Variants in INF2 observed in about 807,000 individuals in gnomAD.
INF2 encodes the protein inverted formin 2, also known as inverted formin-2.
A neutral mutation model predicts 123.5 loss-of-function variants in INF2; 43 were observed. The observed-to-expected ratio is 0.35, with a 90% CI of 0.27 to 0.45. INF2 has a LOEUF of 0.45. Ranked by LOEUF, INF2 falls within the 20% of genes least tolerant of loss-of-function variation. The probability of loss-of-function intolerance (pLI) is 1.00; values close to 1 mark genes in which losing one functional copy is unlikely to be tolerated. For synonymous variants in INF2, 851 were observed against 745.0 expected (o/e 1.14, Z -2.32); for missense variants, 1,453 against 1,682.7 (o/e 0.86, Z 2.39).
chr14:104,689,419 G>A (rs1888816495), upstream of INF2, among the ~76,000 whole-genome samples: 1 of 152,120 alleles, frequency 6.6e-6, no homozygotes, highest in Non-Finnish European at 1.5e-5. Context: ...GGACCGCGAG[G>A]GGGCGGCCAG....
In INF2 at chr14:104,719,474, C is replaced by G. The variant is rs961180769; in HGVS notation, c.*681C>G. The G allele has an allele frequency of 1.3e-5, 2 of 152,180 alleles. No homozygotes were observed. Among genetic ancestry groups the G allele is most frequent in the Non-Finnish European group, 2.9e-5 (2 of 68,032 alleles). 9.4% of individuals were successfully genotyped at this position (152,180 alleles called of 1,614,324 possible). A position where few individuals can be genotyped will look rare whatever the true frequency, so the allele number is the denominator to read the frequency against. On this transcript the variant is annotated 3_prime_UTR_variant, in exon 23 of 23. Coordinates refer to ENST00000392634, the MANE Select transcript of INF2 (RefSeq NM_022489.4). ...CAATACAGGTCCACCTGAGGGGCTG[C>G]AGGGTGACACCCAGCAGCCGCTGCC...
rs1301032347 is a variant in INF2, at chr14:104,709,713, T to TG, written c.2138+10dup. The stretch of plus-strand genomic sequence containing the variant: ...CCTGCTGGCCATTCCCTGGTGAGCA[T>TG]GGCCGCCCTCAGACCCCAGGGCCTG... On this transcript the variant is annotated intron_variant, in intron 12 of 22. Coordinates refer to ENST00000392634, the MANE Select transcript of INF2 (RefSeq NM_022489.4). 2 of 1,611,478 alleles carry TG rather than the reference T, an allele frequency of 1.2e-6. No homozygotes were observed. Among genetic ancestry groups the TG allele is most frequent in the African/African-American group, 2.7e-5 (2 of 74,914 alleles).
intron 1 of INF2, among the ~76,000 whole-genome samples, chr14:104,682,241 A>C (rs1888541898): frequency 6.6e-6 from 1 of 151,910 alleles, no homozygotes; most frequent in Non-Finnish European, 1.5e-5. Flanking sequence ...CAGTGTGGGG[A>C]GGGACAGGGA....
At chr14:104,704,435 G>A (rs968785044) in intron 5 of INF2, 23 of 217,116 alleles carry the variant, frequency 1.1e-4, no homozygotes, top group Admixed American at 2.6e-4. Context: ...GCTGCGGACC[G>A]GTACCTGGCC....
intron 1 of INF2, among the ~76,000 whole-genome samples, chr14:104,682,523 C>G (rs116364073): frequency 1.3e-5 from 2 of 152,126 alleles, no homozygotes; most frequent in Non-Finnish European, 2.9e-5. Context: ...AGCCATCCGG[C>G]CTTTGGGATG....
Position 104,708,070 on chromosome 14 carries a change from G to T in INF2, c.1735+68G>T, listed in dbSNP as rs550838866. ...GGGGCTGGTCTCTGCTGGGGAGAGG[G>T]GCAGGTGGCACATGGAACTTGTGTG... On this transcript the variant is annotated intron_variant, in intron 8 of 22. Coordinates refer to ENST00000392634, the MANE Select transcript of INF2 (RefSeq NM_022489.4). The T allele has an allele frequency of 2.9e-5, 46 of 1,594,384 alleles. 1 individual carries two copies. In the South Asian group the frequency reaches 4.0e-4, roughly 14 times the overall value.
At chr14:104,716,909 C>G (rs1454050862) in intron 22 of INF2, among the ~76,000 whole-genome samples, 3 of 152,208 alleles carry the variant, frequency 2.0e-5, no homozygotes, top group African/African-American at 7.2e-5. Flanking sequence ...TCAGGCTGGT[C>G]TCGAACTCCT....
At position 104,699,998 on chromosome 14, in the gene INF2, C is replaced by T. The variant is rs905028435; in HGVS notation, c.-9-1359C>T. ...GACTGCCGGAAACACCAGGCTTGGT[C>T]GTGGACCAGGCTGGGGAGTGGGCCT... On this transcript the variant is annotated intron_variant, in intron 1 of 22. Transcript: ENST00000392634. This position sits in a 1 kb window ranked among gnomAD's most constrained non-coding sequence, Gnocchi z 4.7. Among the ~76,000 whole-genome samples, 3 of 152,068 alleles carry T rather than the reference C, an allele frequency of 2.0e-5. No individual in the cohort carries two copies. Among genetic ancestry groups the T allele is most frequent in the Admixed American group, 2.0e-4 (3 of 15,280 alleles).
At chr14:104,704,246 C>T (rs373697359) in intron 5 of INF2, 2 of 1,249,756 alleles carry the variant, frequency 1.6e-6, no homozygotes, top group Middle Eastern at 2.8e-4. Context: ...CCTAAGTGAA[C>T]CAACCCAGAA....
chr14:104,698,834 C>T (rs1335662783), intron 1 of INF2, among the ~76,000 whole-genome samples: 1 of 152,330 alleles, frequency 6.6e-6, no homozygotes, highest in African/African-American at 2.4e-5. Flanking sequence ...CTGTCTATGC[C>T]GGGCCGCAGC....
rs1443005224 is a variant in INF2 at position 104,707,636 on chromosome 14, GCACCCCCGCCCC to G, written c.1376_1387del (p.Pro459_Pro462del). The G allele has an allele frequency of 9.7e-6, 8 of 824,568 alleles. No homozygotes were observed. The African/African-American group carries it at 1.2e-4, about 13-fold the overall frequency. The allele number at this position is 824,568 out of a possible 1,614,324, so 51.1% of individuals were successfully genotyped here. On this transcript the variant is annotated inframe_deletion, in exon 8 of 23. Coordinates refer to ENST00000392634, the MANE Select transcript of INF2 (RefSeq NM_022489.4). ...TGTGGGGGCTAAGGCCCTCCCAACAGCACCCCCGCCCCCACCCCTGCCAGGCCTGGGGGCCAT... is the reference window on the plus strand; with the variant it reads ...TGTGGGGGCTAAGGCCCTCCCAACAGCACCCCTGCCAGGCCTGGGGGCCAT...
At position 104,721,060 on chromosome 14, in the gene INF2, CGT is replaced by C. The variant is rs1890537467; in HGVS notation, c.*2268_*2269del. 1.8e-4 allele frequency: 2 copies of C among 11,030 alleles called. No individual in the cohort carries two copies. Among genetic ancestry groups the C allele is most frequent in the Admixed American group, 1.3e-3 (1 of 778 alleles). 0.7% of individuals were successfully genotyped at this position (11,030 alleles called of 1,614,324 possible). A position where few individuals can be genotyped will look rare whatever the true frequency, so the allele number is the denominator to read the frequency against. The stretch of plus-strand genomic sequence containing the variant: ...GTGTGGATGCTGCTGTGGACGTCTG[CGT>C]AGTCTCGTGTGGATGCTGCTGTGGA... On this transcript the variant is annotated 3_prime_UTR_variant, in exon 23 of 23. Transcript: ENST00000392634.
In INF2 at chr14:104,717,314, G is replaced by A. The variant is rs576544965; in HGVS notation, c.*2-1481G>A. Among the ~76,000 whole-genome samples, 49 of 133,708 alleles carry A rather than the reference G, an allele frequency of 3.7e-4. 1 individual carries two copies. The East Asian group carries it at 0.011, about 30-fold the overall frequency. The allele number at this position is 133,708 out of a possible 152,430, so 87.7% of individuals were successfully genotyped here. ...TCCCAGTCCCCCCCCCGGGCAGGGC[G>A]CGCTGCCGTCCTCCTAGTCCGCCCC... On this transcript the variant is annotated intron_variant, in intron 22 of 22. Coordinates refer to ENST00000392634, the MANE Select transcript of INF2 (RefSeq NM_022489.4).
chr14:104,714,853 GA>G lies in INF2; in HGVS notation c.3693del (p.Glu1232ArgfsTer16). 1 of 1,567,720 alleles carries G rather than the reference GA, an allele frequency of 6.4e-7. No homozygotes were observed. Among genetic ancestry groups the G allele is most frequent in the South Asian group, 1.2e-5 (1 of 83,880 alleles). ...RRKKRPSRSQ[E>X]EVPPDSDDNK... ...GAAGAAGCGTCCCTCCAGGAGCCAG[GA>G]AGGTAACTCAGGGAGGGGCCCCGGG... On this transcript the variant is annotated frameshift_variant and splice_region_variant, in exon 21 of 23. Transcript: ENST00000392634. LOFTEE classifies it high-confidence loss of function.
Position 104,706,178 on chromosome 14 carries a change from T to C in INF2, c.843+2T>C, listed in dbSNP as rs1453966920. On this transcript the variant is annotated splice_donor_variant, in intron 6 of 22. Transcript: ENST00000392634. LOFTEE classifies it high-confidence loss of function. The stretch of plus-strand genomic sequence containing the variant: ...GTCTTTGCCTCCCTGTTCCACAAGG[T>C]GGGCTGGGGGCTGCAGGGCGGAGGG... 1 of 1,571,770 alleles carries C rather than the reference T, an allele frequency of 6.4e-7. No homozygotes were observed. Among genetic ancestry groups the C allele is most frequent in the African/African-American group, 1.4e-5 (1 of 74,010 alleles).
At chr14:104,688,522 G>A (rs916156331), upstream of INF2, among the ~76,000 whole-genome samples, 3 of 152,260 alleles carry the variant, frequency 2.0e-5, no homozygotes, top group African/African-American at 4.8e-5. Context: ...TCAGGACTCC[G>A]AGTGGAGACA....
chr14:104,685,164 G>A (rs1218927532), upstream of INF2, among the ~76,000 whole-genome samples: 7 of 152,186 alleles, frequency 4.6e-5, no homozygotes, highest in African/African-American at 1.7e-4. Context: ...ATATTCAAAT[G>A]AAGAGGACAG....
chr14:104,708,471 G>C lies in INF2; in HGVS notation c.1771G>C (p.Asp591His), dbSNP rs369421697. Residue 591 changes from aspartate (D) to histidine (H), a missense_variant, in exon 9 of 23, where the codon GAC becomes CAC. By Grantham distance (81) the Asp-to-His change is moderately conservative (BLOSUM62 -1). Coordinates refer to ENST00000392634, the MANE Select transcript of INF2 (RefSeq NM_022489.4). ...TATGTGGGCGTCCCTGAGCAGCCCC[G>C]ACGCCGAGGCTGTGGAGCCCGACTT... ...NSMWASLSSP[D>H]AEAVEPDFSS... is the part of the protein sequence containing the mutation. 3.5e-5 allele frequency: 57 copies of C among 1,612,356 alleles called. No individual in the cohort carries two copies. Among genetic ancestry groups the C allele is most frequent in the Non-Finnish European group, 4.7e-5 (56 of 1,179,800 alleles).
chr14:104,703,730 G>A (rs1403462446), intron 4 of INF2, among the ~76,000 whole-genome samples, 186 bp from the exon 5 acceptor site: 3 of 152,246 alleles, frequency 2.0e-5, no homozygotes, highest in African/African-American at 7.2e-5. Flanking sequence ...AGCCCTGCCA[G>A]TTCTGGCAGT....
Sources: gnomAD v4.1 joint callset for allele counts (sites outside exome capture counted in the v4.1 genomes callset) on GRCh38, gnomAD v4.1.1 for gene constraint, Gnocchi (gnomAD v3.1) non-coding constraint, MANE v1.5 for transcripts, NCBI Gene and HGNC (gene_info 2026-07-23, HGNC 2026-07-21) for gene names.